The following TAFA2 variants were observed in gnomAD, a reference collection of about 807,000 sequenced individuals.
The protein encoded by TAFA2 is TAFA chemokine like family member 2.
Under a neutral mutation model 18.8 loss-of-function variants are expected in TAFA2, and 7 were observed. That is an observed-to-expected ratio of 0.37 (90% confidence interval 0.21 to 0.70). The LOEUF (loss-of-function observed/expected upper bound fraction) is 0.70. Among genes scored for constraint, TAFA2 ranks in the 30% least tolerant of loss-of-function variants. TAFA2 has a pLI of 0.53. For missense variants in TAFA2, 122 were observed against 158.1 expected, an observed-to-expected ratio of 0.77 and a Z score of 1.23; for synonymous variants, 60 against 54.2, an observed-to-expected ratio of 1.11 and a Z score of -0.47.
intron 2 of TAFA2, among the ~76,000 whole-genome samples, chr12:61,849,746 G>C (rs1342374553): frequency 6.6e-6 from 1 of 152,102 alleles, no homozygotes; most frequent in Non-Finnish European, 1.5e-5. Flanking sequence ...AAAAATTTAG[G>C]TACTTTAGAC....
intron 2 of TAFA2, among the ~76,000 whole-genome samples, chr12:61,854,979 A>T (rs983832596): frequency 6.6e-6 from 1 of 152,204 alleles, no homozygotes; most frequent in African/African-American, 2.4e-5. Context: ...AGGATGAAGT[A>T]TGTACACCAG....
chr12:61,874,652 T>C (rs1446787308), intron 1 of TAFA2, among the ~76,000 whole-genome samples: 1 of 152,146 alleles, frequency 6.6e-6, no homozygotes. Context: ...TGAAATGATA[T>C]GGAATAGAAA....
At chr12:61,987,409 C>T (rs1879856391) in intron 1 of TAFA2, among the ~76,000 whole-genome samples, 1 of 152,198 alleles carries the variant, frequency 6.6e-6, no homozygotes, top group African/African-American at 2.4e-5. Flanking sequence ...GTCAACTCAT[C>T]ACTGAACGAA....
At chr12:62,115,868 G>A (rs545938975) in intron 1 of TAFA2, among the ~76,000 whole-genome samples, 10 of 152,236 alleles carry the variant, frequency 6.6e-5, no homozygotes, top group Non-Finnish European at 1.0e-4. Flanking sequence ...GCCCCATTAC[G>A]TCTAGCTGGC....
intron 1 of TAFA2, among the ~76,000 whole-genome samples, chr12:62,236,379 C>T (rs1372355565): frequency 1.3e-5 from 2 of 151,956 alleles, no homozygotes; most frequent in African/African-American, 4.8e-5. Context: ...ATTCTCCTGC[C>T]TCAGCCTCCC....
chr12:61,801,450 A>G (rs980214356), intron 2 of TAFA2, among the ~76,000 whole-genome samples: 2 of 152,106 alleles, frequency 1.3e-5, no homozygotes, highest in Non-Finnish European at 2.9e-5. Context: ...TCCAGAAATA[A>G]TTCACATATT....
At chr12:61,889,226 T>A (rs997865790) in intron 1 of TAFA2, among the ~76,000 whole-genome samples, 2 of 152,218 alleles carry the variant, frequency 1.3e-5, no homozygotes. Flanking sequence ...AGGAACCAAG[T>A]TAAAGAATGT....
intron 4 of TAFA2, among the ~76,000 whole-genome samples, chr12:61,717,682 T>A (rs1323705116): frequency 6.6e-6 from 1 of 152,198 alleles, no homozygotes; most frequent in African/African-American, 2.4e-5. Flanking sequence ...TGTAGCTAAC[T>A]GATTATATTT....
At chr12:62,174,025 T>C (rs2062495872) in intron 1 of TAFA2, among the ~76,000 whole-genome samples, 1 of 152,112 alleles carries the variant, frequency 6.6e-6, no homozygotes, top group African/African-American at 2.4e-5. Flanking sequence ...GGCGTGGTGG[T>C]TCATGCCTGT....
At position 61,933,728 on chromosome 12, in the gene TAFA2, A is replaced by T. The variant is rs553553702; in HGVS notation, c.-1-66302T>A. 5.0e-4 allele frequency among the ~76,000 whole-genome samples: 76 copies of T among 152,244 alleles called. 2 individuals carry two copies. The South Asian group carries it at 0.013, about 25-fold the overall frequency. Reference sequence around the variant, plus strand: ...ACAGAGACAGACCCTGTCTCTTTATATATCTAAGGAGCAGCTGTTGTAATG... The same window carrying T: ...ACAGAGACAGACCCTGTCTCTTTATTTATCTAAGGAGCAGCTGTTGTAATG... On this transcript the variant is annotated intron_variant, in intron 1 of 4. Transcript: ENST00000416284.
At chr12:61,727,603 CTCTTT>C (rs1309838889) in intron 4 of TAFA2, among the ~76,000 whole-genome samples, 1 of 151,862 alleles carries the variant, frequency 6.6e-6, no homozygotes, top group Admixed American at 6.6e-5. Context: ...TTTGGATCTT[CTCTTT>C]TCTTTTGTTG....
intron 2 of TAFA2, among the ~76,000 whole-genome samples, chr12:61,824,595 C>T (rs1014655945): frequency 4.6e-5 from 7 of 152,028 alleles, no homozygotes; most frequent in Non-Finnish European, 7.4e-5. Flanking sequence ...TCTCAGAATA[C>T]TGAAATAAAG....
chr12:62,238,973 G>A (rs2062849987), intron 1 of TAFA2, among the ~76,000 whole-genome samples: 1 of 152,132 alleles, frequency 6.6e-6, no homozygotes, highest in Non-Finnish European at 1.5e-5. Flanking sequence ...ATTCCAAGAC[G>A]ATTTATAAAT....
chr12:62,220,948 A>C (rs1482901892), intron 1 of TAFA2, among the ~76,000 whole-genome samples: 1 of 151,964 alleles, frequency 6.6e-6, no homozygotes, highest in Admixed American at 6.6e-5. Context: ...TCTACTAAAA[A>C]ATAGAAAAAT....
intron 1 of TAFA2, among the ~76,000 whole-genome samples, chr12:62,034,372 A>G (rs1881545227): frequency 6.6e-6 from 1 of 152,220 alleles, no homozygotes; most frequent in African/African-American, 2.4e-5. Flanking sequence ...GAAAGGGCCA[A>G]TGATTCAGCC....
At chr12:61,818,915 T>A (rs1480142987) in intron 2 of TAFA2, among the ~76,000 whole-genome samples, 1 of 152,122 alleles carries the variant, frequency 6.6e-6, no homozygotes, top group African/African-American at 2.4e-5. Flanking sequence ...ACTCAGAGAG[T>A]AAAACTTAAA....
At position 62,216,898 on chromosome 12, in the gene TAFA2, T is replaced by G. The variant is rs963999976; in HGVS notation, c.-130+41865A>C. ...ACAAGCAAGAAGTTAGCATATACAT[T>G]ACGGTATACCATATGCATTCCAGAG... is the stretch of plus-strand genomic sequence containing the variant. On this transcript the variant is annotated intron_variant, in intron 1 of 5. Coordinates refer to the TAFA2 transcript ENST00000551619. 9.2e-5 allele frequency among the ~76,000 whole-genome samples: 14 copies of G among 152,308 alleles called. 1 individual carries two copies. In the Middle Eastern group the frequency reaches 0.01, roughly 111 times the overall value.
chr12:61,871,567 C>T (rs996436032), intron 1 of TAFA2, among the ~76,000 whole-genome samples: 23 of 152,272 alleles, frequency 1.5e-4, no homozygotes, highest in African/African-American at 5.3e-4. Flanking sequence ...ACCTTGAAAT[C>T]GCTCCCAGGC....
At chr12:62,202,810 G>C (rs1020670033) in intron 1 of TAFA2, among the ~76,000 whole-genome samples, 3 of 142,676 alleles carry the variant, frequency 2.1e-5, no homozygotes, top group African/African-American at 2.6e-5. Context: ...TTTACATGTA[G>C]CTGTGTGGTT....
Sources: gnomAD v4.1 joint callset for allele counts (sites outside exome capture counted in the v4.1 genomes callset) on GRCh38, gnomAD v4.1.1 for gene constraint, MANE v1.5 for transcripts, NCBI Gene and HGNC (gene_info 2026-07-23, HGNC 2026-07-21) for gene names.